Variants in PIGQ observed in about 807,000 individuals in gnomAD.
PIGQ encodes the protein phosphatidylinositol glycan anchor biosynthesis class Q.
PIGQ carries 54 observed loss-of-function variants against 60.3 expected under a neutral mutation model. That is an observed-to-expected ratio of 0.90 (90% CI 0.72 to 1.12). PIGQ has a LOEUF of 1.12. Ranked by LOEUF, PIGQ falls within the 50% of genes most tolerant of loss-of-function variation. PIGQ has a pLI of 0.00. For synonymous variants in PIGQ, 416 were observed against 363.7 expected, an observed-to-expected ratio of 1.14 and a Z score of -1.64; for missense variants, 799 against 793.5, an observed-to-expected ratio of 1.01 and a Z score of -0.08.
rs760045515 is a variant in PIGQ at position 582,919 on chromosome 16, T to TA, written c.1631dup (p.Tyr544Ter). Reference protein sequence around the residue: ...PLPYSRVVHTYRLPSCGCHPK... With the variant: ...PLPYSRVVHT ...GCCCTACAGCCGCGTGGTGCACACC[T>TA]ACCGCCTCCCCAGCTGTGGCTGCCA... The change falls in exon 11 of 11, where the codon TAC becomes TAAC. Residue 544 changes from tyrosine (Y) to a stop codon, truncating the protein, a stop_gained and frameshift_variant. Coordinates refer to ENST00000321878, the MANE Select transcript of PIGQ (RefSeq NM_004204.5). LOFTEE classifies it high-confidence loss of function. The TA allele has an allele frequency of 1.9e-6, 3 of 1,611,896 alleles. No individual in the cohort carries two copies. Among genetic ancestry groups the TA allele is most frequent in the Non-Finnish European group, 2.5e-6 (3 of 1,179,536 alleles).
At chr16:581,264 G>A in intron 9 of PIGQ, 1 of 1,371,988 alleles carries the variant, frequency 7.3e-7, no homozygotes, top group Non-Finnish European at 9.6e-7. Context: ...TTCTGGGCTT[G>A]GGAGTCTGAA....
intron 4 of PIGQ, among the ~76,000 whole-genome samples, chr16:577,385 G>A (rs549607761): frequency 5.4e-4 from 82 of 151,680 alleles, no homozygotes; most frequent in African/African-American, 1.5e-3. Flanking sequence ...AGACCATCCT[G>A]GCTAACACAG....
intron 8 of PIGQ, 88 bp downstream of exon 8, chr16:580,351 G>A (rs879560798): frequency 1.9e-5 from 21 of 1,085,080 alleles, no homozygotes; most frequent in East Asian, 4.8e-5. Flanking sequence ...GCTGTGGGGC[G>A]GGCTGTCTCC....
chr16:571,759 T>G (rs1405696767), intron 1 of PIGQ, among the ~76,000 whole-genome samples: 1 of 152,154 alleles, frequency 6.6e-6, no homozygotes, highest in Non-Finnish European at 1.5e-5. Flanking sequence ...CAGGCTTCTT[T>G]GTGCCGCCGA....
chr16:580,200 G>C lies in PIGQ; in HGVS notation c.1353G>C (p.Leu451=). The change falls in exon 8 of 11, where the codon CTG becomes CTC. Residue 451 remains leucine (L), a synonymous_variant. Transcript: ENST00000321878. ...YDLDQLFIGT[L]LFTILLFLLP... Reference sequence around the variant, plus strand: ...CCCTACAGCTGTTCATCGGGACTCTGCTCTTCACCATCCTGCTCTTCCTCC... The same window carrying C: ...CCCTACAGCTGTTCATCGGGACTCTCCTCTTCACCATCCTGCTCTTCCTCC... 6.2e-7 allele frequency: 1 copy of C among 1,612,594 alleles called. No homozygotes were observed. The highest frequency in any genetic ancestry group is 1.1e-5 in the South Asian group (1 of 90,962).
rs757136665 is a variant in PIGQ at position 582,290 on chromosome 16, C to T, written c.1574C>T (p.Pro525Leu). 6.2e-7 allele frequency: 1 copy of T among 1,602,082 alleles called. No individual in the cohort carries two copies. Among genetic ancestry groups the T allele is most frequent in the Non-Finnish European group, 8.5e-7 (1 of 1,173,148 alleles). Residue 525 changes from proline to leucine, a missense_variant, in exon 10 of 11, where the codon CCC becomes CTC. Physicochemically the swap from Pro to Leu is moderately conservative, Grantham distance 98. Transcript: ENST00000321878. ...GTCCTCCGGCACGAGGCCGGCAGGC[C>T]CCTCCGCCTCCTGATGCAGGTGAGG... ...FRVLRHEAGR[P>L]LRLLMQINPL...
intron 1 of PIGQ, among the ~76,000 whole-genome samples, chr16:571,063 G>GCCTAGCC (rs1269229582): frequency 7.3e-4 from 15 of 20,612 alleles, no homozygotes; most frequent in East Asian, 6.1e-3. Context: ...GTGTGTGTGT[G>GCCTAGCC]TGTGTGTGTG....
rs1331791399 is a variant in PIGQ, at chr16:574,736, C to T, written c.662C>T (p.Ser221Leu). 8 of 1,582,684 alleles carry T rather than the reference C, an allele frequency of 5.1e-6. No homozygotes were observed. The highest frequency in any genetic ancestry group is 4.5e-5 in the East Asian group (2 of 44,488). ...TGCCTGCTGTTGGCCAGCCTGCTGT[C>T]GCTGGTCTCAGCTGTCAGTGCCTGC... ...PICLLLASLL[S>L]LVSAVSACRV... is the part of the protein sequence containing the mutation. The change falls in exon 2 of 11, where the codon TCG becomes TTG. Residue 221 changes from serine to leucine, a missense_variant. By Grantham distance (145) the Ser-to-Leu change is moderately radical. Transcript: ENST00000321878.
At chr16:580,691 G>C in intron 8 of PIGQ, 167 bp from the exon 9 acceptor site, 1 of 645,948 alleles carries the variant, frequency 1.5e-6, no homozygotes, top group Non-Finnish European at 2.8e-6. Context: ...CTTTGCTCCA[G>C]AGCAAGGCCC....
In PIGQ at chr16:580,497, G is replaced by A. The variant is rs2035793883; in HGVS notation, c.1416+234G>A. 4 of 549,570 alleles carry A rather than the reference G, an allele frequency of 7.3e-6. No individual in the cohort carries two copies. In the East Asian group the frequency reaches 8.5e-5, roughly 12 times the overall value. 34.0% of individuals were successfully genotyped at this position (549,570 alleles called of 1,614,324 possible). ...CACGCAGCTGGGTGCGTGGTGGAAG[G>A]ACCCCACGGCAGGTGGGGTCACGCA... On this transcript the variant is annotated intron_variant, in intron 8 of 10. Transcript: ENST00000321878.
chr16:576,052 C>G (rs895239301), intron 3 of PIGQ, 82 bp downstream of exon 3: 30 of 1,545,166 alleles, frequency 1.9e-5, no homozygotes, highest in Non-Finnish European at 2.6e-5. Flanking sequence ...CACGCTGACC[C>G]CTCCGGCCAG....
rs772017072 is a variant in PIGQ, at chr16:578,956, CCT to C, written c.1223+20_1223+21del. On this transcript the variant is annotated intron_variant, in intron 6 of 10. Coordinates refer to ENST00000321878, the MANE Select transcript of PIGQ (RefSeq NM_004204.5). ...GGAGCCAGGTGGGCGTGGGCTTCCC[CCT>C]CCCCACCGCCCCCTGGGAGGTGCAG... 6.2e-7 allele frequency: 1 copy of C among 1,605,754 alleles called. No individual in the cohort carries two copies. Among genetic ancestry groups the C allele is most frequent in the South Asian group, 1.1e-5 (1 of 90,956 alleles).
rs774757160 is a variant in PIGQ at position 583,834 on chromosome 16, C to A, written c.*799C>A. The stretch of plus-strand genomic sequence containing the variant: ...CCCTGCTGTGCAGACACCTCTGTGG[C>A]CCCCCAGGAGTGTGAGTGGCCTGGG... On this transcript the variant is annotated 3_prime_UTR_variant, in exon 11 of 11. Coordinates refer to ENST00000321878, the MANE Select transcript of PIGQ (RefSeq NM_004204.5). 17 of 674,362 alleles carry A rather than the reference C, an allele frequency of 2.5e-5. No homozygotes were observed. Among genetic ancestry groups the A allele is most frequent in the South Asian group, 2.5e-4 (15 of 59,660 alleles). The allele number at this position is 674,362 out of a possible 1,614,324, so 41.8% of individuals were successfully genotyped here.
At chr16:578,984 A>G in intron 6 of PIGQ, 46 bp downstream of exon 6, 1 of 1,221,584 alleles carries the variant, frequency 8.2e-7, no homozygotes, top group Non-Finnish European at 1.1e-6. Context: ...GGAGGTGCAG[A>G]GGCTCCGGCT....
At chr16:576,106 T>TGCCG (rs2035712901) in intron 3 of PIGQ, 28 bp from the exon 4 acceptor site, 45 of 1,545,452 alleles carry the variant, frequency 2.9e-5, no homozygotes, top group Non-Finnish European at 3.1e-5. Flanking sequence ...GCCACCCTCA[T>TGCCG]GCCGGCCGGG....
At position 583,987 on chromosome 16, in the gene PIGQ, C is replaced by T. The variant is rs1233903911; in HGVS notation, c.*952C>T. ...GGTGCCGGCTGGTGAGGGGATGACG[C>T]GCTGTGGGTGGGAGGAGGCAGCGCC... On this transcript the variant is annotated 3_prime_UTR_variant, in exon 11 of 11. Coordinates refer to ENST00000321878, the MANE Select transcript of PIGQ (RefSeq NM_004204.5). The T allele has an allele frequency of 9.6e-5, 37 of 385,176 alleles. No homozygotes were observed. Among genetic ancestry groups the T allele is most frequent in the Non-Finnish European group, 6.0e-5 (12 of 199,336 alleles). The allele number at this position is 385,176 out of a possible 1,614,324, so 23.9% of individuals were successfully genotyped here.
intron 1 of PIGQ, among the ~76,000 whole-genome samples, chr16:571,101 G>C (rs1430421246): frequency 2.3e-4 from 2 of 8,618 alleles, no homozygotes; most frequent in African/African-American, 5.7e-4. Flanking sequence ...GTGTGTGTGT[G>C]TGTGTGTCTG....
chr16:572,295 C>T (rs1396164709), intron 1 of PIGQ, among the ~76,000 whole-genome samples: 1 of 151,780 alleles, frequency 6.6e-6, no homozygotes, highest in Non-Finnish European at 1.5e-5. Flanking sequence ...GCCGCCTGCC[C>T]TCTCTGACCA....
chr16:580,677 C>T, intron 8 of PIGQ, 181 bp from the exon 9 acceptor site: 2 of 627,834 alleles, frequency 3.2e-6, no homozygotes, highest in Non-Finnish European at 2.9e-6. Flanking sequence ...TGCTCCGCCT[C>T]CAGCTTTGCT....
Sources: allele counts gnomAD v4.1 joint callset (sites outside exome capture counted in the v4.1 genomes callset), GRCh38; gene constraint gnomAD v4.1.1; transcripts MANE v1.5; gene names NCBI Gene and HGNC (gene_info 2026-07-23, HGNC 2026-07-21).